Variants in FSTL4 observed in about 807,000 individuals in gnomAD.
FSTL4 encodes the protein follistatin-related protein 4.
In FSTL4, 28 loss-of-function variants were observed where a neutral mutation model predicts 78.2. The ratio of observed to expected loss-of-function variants is 0.36; its 90% CI spans 0.27 to 0.49. FSTL4 has a LOEUF of 0.49. FSTL4 is among the 20% of genes least tolerant of loss of function. The pLI, the probability that FSTL4 is intolerant of heterozygous loss-of-function variation, is 0.98. For synonymous variants in FSTL4, 422 were observed against 440.5 expected, an observed-to-expected ratio of 0.96 and a Z score of 0.53; for missense variants, 922 against 1,084.9, an observed-to-expected ratio of 0.85 and a Z score of 2.11.
intron 3 of FSTL4, among the ~76,000 whole-genome samples, chr5:133,435,207 T>C (rs1210560664): frequency 2.0e-5 from 3 of 152,204 alleles, no homozygotes; most frequent in Non-Finnish European, 4.4e-5. Context: ...TTGAGGTCTT[T>C]TATGATTTTA....
intron 3 of FSTL4, among the ~76,000 whole-genome samples, chr5:133,552,352 T>C (rs935635576): frequency 7.9e-5 from 12 of 152,304 alleles, no homozygotes; most frequent in South Asian, 6.2e-4. Flanking sequence ...AGTCTCGCTA[T>C]GAGGAATGCA....
the FSTL4 span, among the ~76,000 whole-genome samples, chr5:133,748,086 C>G: frequency 6.6e-6 from 1 of 151,856 alleles, no homozygotes; most frequent in Non-Finnish European, 1.5e-5. Context: ...CCCAGCTACT[C>G]GAGAGGCTGA....
intron 3 of FSTL4, among the ~76,000 whole-genome samples, chr5:133,561,495 C>G (rs753024526): frequency 6.6e-6 from 1 of 152,154 alleles, no homozygotes; most frequent in Non-Finnish European, 1.5e-5. Flanking sequence ...AAAAGTTTCA[C>G]CCTCTGAGAC....
intron 4 of FSTL4, among the ~76,000 whole-genome samples, chr5:133,356,173 G>A (rs533876239): frequency 1.3e-5 from 2 of 152,322 alleles, no homozygotes; most frequent in African/African-American, 4.8e-5. Flanking sequence ...TGTACACTAC[G>A]AAATAATTCT....
rs1750197543 is a variant in FSTL4 at position 133,198,145 on chromosome 5, C to T, written c.*950G>A. ...CATTGAGCCTGGAGGCCACCCATACCTTGCCAGGCAAGCCCAGTCTGCCCT... is the reference window on the plus strand; with the variant it reads ...CATTGAGCCTGGAGGCCACCCATACTTTGCCAGGCAAGCCCAGTCTGCCCT... On this transcript the variant is annotated 3_prime_UTR_variant, in exon 16 of 16. Transcript: ENST00000265342. 1 of 152,646 alleles carries T rather than the reference C, an allele frequency of 6.6e-6. No individual in the cohort carries two copies. Among genetic ancestry groups the T allele is most frequent in the Admixed American group, 6.5e-5 (1 of 15,284 alleles). 9.5% of individuals were successfully genotyped at this position (152,646 alleles called of 1,614,324 possible).
At chr5:133,607,251 C>G (rs1760997137) in intron 1 of FSTL4, among the ~76,000 whole-genome samples, 1 of 152,150 alleles carries the variant, frequency 6.6e-6, no homozygotes, top group South Asian at 2.1e-4. Flanking sequence ...CACCAACAGC[C>G]TGGAAATTTA....
intron 5 of FSTL4, among the ~76,000 whole-genome samples, chr5:133,315,095 G>C (rs1581612814): frequency 6.6e-6 from 1 of 152,206 alleles, no homozygotes; most frequent in Non-Finnish European, 1.5e-5. Context: ...CTGGGAGGCA[G>C]AGGCTGCAAC....
At chr5:133,720,877 T>G in the FSTL4 span, 1 of 152,304 alleles carries the variant, frequency 6.6e-6, no homozygotes, top group Non-Finnish European at 1.5e-5. Flanking sequence ...TTGACACATT[T>G]GGGTGTGCCC....
chr5:133,767,596 C>T, the FSTL4 span, among the ~76,000 whole-genome samples: 1 of 152,128 alleles, frequency 6.6e-6, no homozygotes, highest in Admixed American at 6.5e-5. Flanking sequence ...AGCTACTTGA[C>T]CATAGTACAA....
chr5:133,312,339 C>T (rs1321234941), intron 6 of FSTL4: 1 of 281,948 alleles, frequency 3.5e-6, no homozygotes, highest in East Asian at 8.1e-5. Context: ...CTGCTTCCTT[C>T]TCCTTCAGTC....
intron 3 of FSTL4, among the ~76,000 whole-genome samples, chr5:133,498,890 G>C (rs759248525): frequency 2.3e-4 from 35 of 151,980 alleles, no homozygotes; most frequent in Non-Finnish European, 4.7e-4. Flanking sequence ...TGTTTTAGCA[G>C]AACTAGAGAT....
chr5:133,210,084 G>A (rs891237168), intron 14 of FSTL4, 107 bp downstream of exon 14: 6 of 654,888 alleles, frequency 9.2e-6, no homozygotes, highest in Non-Finnish European at 1.7e-5. Flanking sequence ...GATATATTTT[G>A]GATAAATGTA....
At chr5:133,329,409 A>ATT (rs1449856797) in intron 4 of FSTL4, among the ~76,000 whole-genome samples, 30 of 152,034 alleles carry the variant, frequency 2.0e-4, no homozygotes, top group African/African-American at 7.2e-4. Context: ...AGATATATAT[A>ATT]TATTTATTTA....
At chr5:133,461,065 T>C (rs1757582710) in intron 3 of FSTL4, among the ~76,000 whole-genome samples, 1 of 152,202 alleles carries the variant, frequency 6.6e-6, no homozygotes, top group African/African-American at 2.4e-5. Context: ...AATACTCCTG[T>C]GGAAAAAAAT....
At chr5:133,700,834 G>C in the FSTL4 span, among the ~76,000 whole-genome samples, 1 of 152,180 alleles carries the variant, frequency 6.6e-6, no homozygotes, top group Non-Finnish European at 1.5e-5. Context: ...AAGGGACCCA[G>C]GTATACATTT....
At chr5:133,508,042 A>G (rs1319503242) in intron 3 of FSTL4, among the ~76,000 whole-genome samples, 1 of 152,144 alleles carries the variant, frequency 6.6e-6, no homozygotes, top group African/African-American at 2.4e-5. Context: ...GAAAGGGAAC[A>G]GCAATGAATT....
the FSTL4 span, among the ~76,000 whole-genome samples, chr5:133,754,713 C>T: frequency 3.9e-5 from 6 of 152,282 alleles, 1 homozygote; most frequent in Non-Finnish European, 5.9e-5. Flanking sequence ...GTCAGGTCCA[C>T]GCTCTGGGGA....
chr5:133,306,201 G>C (rs998884399), intron 6 of FSTL4, among the ~76,000 whole-genome samples: 1 of 152,268 alleles, frequency 6.6e-6, no homozygotes, highest in Non-Finnish European at 1.5e-5. Flanking sequence ...GCAGGAGTTG[G>C]GCCGGGTGGG....
At chr5:133,343,628 C>T (rs532078061) in intron 4 of FSTL4, among the ~76,000 whole-genome samples, 4 of 152,212 alleles carry the variant, frequency 2.6e-5, no homozygotes, top group African/African-American at 7.2e-5. Context: ...TTTTTATAGC[C>T]GGGGGCTGTG....
Sources: gnomAD v4.1 joint callset for allele counts (sites outside exome capture counted in the v4.1 genomes callset) on GRCh38, gnomAD v4.1.1 for gene constraint, MANE v1.5 for transcripts, NCBI Gene and HGNC (gene_info 2026-07-23, HGNC 2026-07-21) for gene names.